TJP1: variants seen among roughly 807,000 people sequenced by gnomAD.
TJP1 encodes the protein tight junction protein ZO-1.
A neutral mutation model predicts 194.2 loss-of-function variants in TJP1; 43 were observed. The observed-to-expected ratio is 0.22, with a 90% CI of 0.17 to 0.29. The LOEUF is 0.29. Ranked by LOEUF, TJP1 falls within the 10% of genes least tolerant of loss-of-function variation. The probability of loss-of-function intolerance (pLI) is 1.00; values close to 1 mark genes in which losing one functional copy is unlikely to be tolerated. For missense variants in TJP1, 1,971 were observed against 2,185.7 expected, an observed-to-expected ratio of 0.90 and a Z score of 1.96; for synonymous variants, 801 against 779.0, an observed-to-expected ratio of 1.03 and a Z score of -0.47.
intron 2 of TJP1, among the ~76,000 whole-genome samples, chr15:29,774,272 A>G (rs1218209087): frequency 1.3e-5 from 2 of 152,122 alleles, no homozygotes; most frequent in African/African-American, 4.8e-5. Context: ...TAGTGCATAC[A>G]TCACCTTTCC....
At chr15:29,912,854 A>G (rs141847388) in intron 2 of TJP1, among the ~76,000 whole-genome samples, 460 of 152,322 alleles carry the variant, frequency 3.0e-3, no homozygotes, top group Non-Finnish European at 5.6e-3. Flanking sequence ...ATGCTACCGT[A>G]TGTAAATTTA....
intron 2 of TJP1, among the ~76,000 whole-genome samples, chr15:29,788,366 T>C (rs2047841241): frequency 6.6e-6 from 1 of 152,212 alleles, no homozygotes; most frequent in African/African-American, 2.4e-5. Context: ...TGACATCATA[T>C]CCAATAAACC....
At chr15:29,736,114 A>G (rs940439067) in intron 11 of TJP1, among the ~76,000 whole-genome samples, 1 of 152,220 alleles carries the variant, frequency 6.6e-6, no homozygotes, top group Non-Finnish European at 1.5e-5. Flanking sequence ...TAAGACAGTC[A>G]AAACGCTGCT....
At chr15:29,808,646 C>G (rs1009364377) in intron 1 of TJP1, among the ~76,000 whole-genome samples, 1 of 152,038 alleles carries the variant, frequency 6.6e-6, no homozygotes, top group African/African-American at 2.4e-5. Context: ...GAAACTGGTA[C>G]GTATAGGGAA....
chr15:29,779,636 TTTGA>T (rs1437896343), intron 2 of TJP1, among the ~76,000 whole-genome samples: 1 of 152,210 alleles, frequency 6.6e-6, no homozygotes, highest in African/African-American at 2.4e-5. Context: ...TCAACAAGTA[TTTGA>T]TTGATTATTC....
At chr15:29,702,774 G>A (rs1489080448) in intron 27 of TJP1, among the ~76,000 whole-genome samples, 1 of 152,162 alleles carries the variant, frequency 6.6e-6, no homozygotes, top group African/African-American at 2.4e-5. Flanking sequence ...GTATTTACAT[G>A]TAATTTTTTC....
intron 25 of TJP1, among the ~76,000 whole-genome samples, chr15:29,706,444 T>C (rs1431206374): frequency 6.6e-6 from 1 of 152,138 alleles, no homozygotes; most frequent in Non-Finnish European, 1.5e-5. Flanking sequence ...AAACTTTTTT[T>C]TGAGTGTCAA....
intron 4 of TJP1, among the ~76,000 whole-genome samples, chr15:29,769,861 T>C (rs1201018765): frequency 1.3e-5 from 2 of 152,246 alleles, no homozygotes; most frequent in Non-Finnish European, 2.9e-5. Flanking sequence ...GTATTTACTA[T>C]GCTAAACTTT....
At chr15:29,817,496 G>A (rs960170287) in intron 1 of TJP1, among the ~76,000 whole-genome samples, 1 of 152,134 alleles carries the variant, frequency 6.6e-6, no homozygotes, top group African/African-American at 2.4e-5. Flanking sequence ...ATACTCAAAG[G>A]AATATAAATC....
At chr15:29,944,484 T>G (rs2055206326) in intron 2 of TJP1, among the ~76,000 whole-genome samples, 1 of 152,184 alleles carries the variant, frequency 6.6e-6, no homozygotes, top group South Asian at 2.1e-4. Context: ...CCAAGGAATT[T>G]ATGACCCTAT....
chr15:29,777,909 A>C (rs1360250717), intron 2 of TJP1, among the ~76,000 whole-genome samples: 2 of 152,134 alleles, frequency 1.3e-5, no homozygotes, highest in African/African-American at 4.8e-5. Flanking sequence ...CCTTCAAAGA[A>C]GTTGGGGCTA....
chr15:29,718,246 G>C lies in TJP1; in HGVS notation c.3876+20C>G. On this transcript the variant is annotated intron_variant, in intron 21 of 27. Coordinates refer to ENST00000614355, the MANE Select transcript of TJP1 (RefSeq NM_001330239.4). ...TTAAACGGTGTGCCCATGCATCCAA[G>C]GCACTAAAGACATATTTACCTTAAA... is the stretch of plus-strand genomic sequence containing the variant. 6.2e-7 allele frequency: 1 copy of C among 1,605,712 alleles called. No individual in the cohort carries two copies. Among genetic ancestry groups the C allele is most frequent in the Non-Finnish European group, 8.5e-7 (1 of 1,176,206 alleles).
chr15:29,928,666 G>A (rs865958656), intron 2 of TJP1, among the ~76,000 whole-genome samples: 10 of 152,026 alleles, frequency 6.6e-5, no homozygotes, highest in Admixed American at 1.3e-4. Flanking sequence ...CTTGTCGGCC[G>A]GGCACGGTGG....
intron 26 of TJP1, among the ~76,000 whole-genome samples, chr15:29,704,692 C>A (rs192418249): frequency 6.6e-6 from 1 of 152,322 alleles, no homozygotes; most frequent in African/African-American, 2.4e-5. Flanking sequence ...CAGGCAGTGG[C>A]TACTGCATTC....
intron 2 of TJP1, among the ~76,000 whole-genome samples, chr15:29,916,646 G>A (rs4779674): frequency 0.18 from 26,678 of 152,134 alleles, 2,467 homozygotes; most frequent in East Asian, 0.32. Context: ...TGCTCAAGTT[G>A]TATTAGCTCC....
intron 1 of TJP1, among the ~76,000 whole-genome samples, chr15:29,964,454 C>T (rs1381956083): frequency 6.6e-6 from 1 of 151,904 alleles, no homozygotes; most frequent in Non-Finnish European, 1.5e-5. Context: ...CACAGAGACA[C>T]AGAGAAGGTC....
At chr15:29,915,017 A>G (rs1213303666) in intron 2 of TJP1, among the ~76,000 whole-genome samples, 1 of 152,180 alleles carries the variant, frequency 6.6e-6, no homozygotes, top group Non-Finnish European at 1.5e-5. Flanking sequence ...CTGTTGTTCA[A>G]TGAATACTCT....
At chr15:29,943,108 C>T (rs1455734153) in intron 2 of TJP1, among the ~76,000 whole-genome samples, 1 of 152,118 alleles carries the variant, frequency 6.6e-6, no homozygotes, top group Admixed American at 6.5e-5. Flanking sequence ...ACCAAGACCA[C>T]CAGCTCACCA....
intron 2 of TJP1, among the ~76,000 whole-genome samples, chr15:29,793,394 C>T (rs1319086420): frequency 1.3e-5 from 2 of 152,096 alleles, no homozygotes; most frequent in African/African-American, 2.4e-5. Flanking sequence ...TGTGATGTAT[C>T]GCATTTACAG....
Sources: allele counts gnomAD v4.1 joint callset (sites outside exome capture counted in the v4.1 genomes callset), GRCh38; gene constraint gnomAD v4.1.1; transcripts MANE v1.5; gene names NCBI Gene and HGNC (gene_info 2026-07-23, HGNC 2026-07-21).